Variants in VGLL1 observed in about 807,000 individuals in gnomAD.
The protein encoded by VGLL1 is transcription cofactor vestigial-like protein 1.
In VGLL1, 4 loss-of-function variants were observed where a neutral mutation model predicts 12.0. That is an observed-to-expected ratio of 0.33 (90% confidence interval 0.16 to 0.76). The LOEUF (loss-of-function observed/expected upper bound fraction) is 0.76, where lower values mean the gene tolerates loss of function less well. Ranked by LOEUF, VGLL1 falls within the 30% of genes least tolerant of loss-of-function variation. The probability of loss-of-function intolerance (pLI) is 0.60; values close to 1 mark genes in which losing one functional copy is unlikely to be tolerated. For missense variants in VGLL1, 204 were observed against 208.7 expected, an observed-to-expected ratio of 0.98 and a Z score of 0.14; for synonymous variants, 87 against 81.2, an observed-to-expected ratio of 1.07 and a Z score of -0.39.
intron 2 of VGLL1, among the ~76,000 whole-genome samples, chrX:136,546,326 T>TGAAAAAGAGAGGCCC (rs1260516573): frequency 9.0e-6 from 1 of 111,578 alleles, no homozygotes; most frequent in African/African-American, 3.3e-5. Flanking sequence ...CCAAGAGGCC[T>TGAAAAAGAGAGGCCC]GAAAAAGAGA....
At chrX:136,534,759 G>A (rs2075834888) in intron 1 of VGLL1, among the ~76,000 whole-genome samples, 1 of 111,819 alleles carries the variant, frequency 8.9e-6, no homozygotes, top group Non-Finnish European at 1.9e-5. Flanking sequence ...ACATGTTTTT[G>A]GAAAGTAAGG....
intron 4 of VGLL1, 58 bp downstream of exon 4, chrX:136,550,879 G>C (rs770518814): frequency 4.7e-6 from 5 of 1,060,256 alleles, no homozygotes; most frequent in Non-Finnish European, 6.6e-6. Context: ...ACGAACTTGA[G>C]AAATAAGGCT....
intron 4 of VGLL1, among the ~76,000 whole-genome samples, chrX:136,554,806 G>A (rs775986475): frequency 1.8e-5 from 2 of 112,324 alleles, no homozygotes; most frequent in Non-Finnish European, 3.8e-5. Flanking sequence ...TTCAACAAAT[G>A]GATAGGAGAA....
chrX:136,536,261 G>A, intron 2 of VGLL1, 27 bp downstream of exon 2: 1 of 1,181,100 alleles, frequency 8.5e-7, no homozygotes, highest in African/African-American at 1.8e-5. Context: ...GGAGGGAGCT[G>A]GGATTCCCTA....
chrX:136,538,032 G>T (rs1431231089), intron 2 of VGLL1, among the ~76,000 whole-genome samples: 2 of 112,087 alleles, frequency 1.8e-5, no homozygotes, highest in African/African-American at 6.5e-5. Context: ...TAGATGAATA[G>T]TCTTGCCACA....
intron 2 of VGLL1, among the ~76,000 whole-genome samples, chrX:136,537,066 G>GAA (rs752067779): frequency 2.0e-4 from 22 of 112,173 alleles, no homozygotes; most frequent in Non-Finnish European, 3.8e-4. Context: ...AGGTGGTTTT[G>GAA]AAAAGTTTTA....
intron 1 of VGLL1, among the ~76,000 whole-genome samples, chrX:136,532,577 C>A (rs567743365): frequency 9.5e-3 from 61 of 6,443 alleles, no homozygotes; most frequent in South Asian, 0.023. Flanking sequence ...TCAAATATTT[C>A]TTTCTTTCTT....
intron 1 of VGLL1, among the ~76,000 whole-genome samples, chrX:136,533,510 G>A (rs2075831715): frequency 9.0e-6 from 1 of 111,434 alleles, no homozygotes; most frequent in African/African-American, 3.3e-5. Context: ...GCTTCAAGGG[G>A]AGTTAGCAAA....
rs774619886 is a variant in VGLL1, at chrX:136,556,449, A to T, written c.689-2A>T. The T allele has an allele frequency of 1.7e-6, 2 of 1,208,218 alleles. No homozygotes were observed. Among genetic ancestry groups the T allele is most frequent in the Admixed American group, 4.4e-5 (2 of 45,965 alleles). ...TCATTAACCATGTAACTTCTCCTTT[A>T]GCTCTTTCAGAGTTAGAGACACCTG... On this transcript the variant is annotated splice_acceptor_variant, in intron 4 of 4. Transcript: ENST00000370634. LOFTEE classifies it high-confidence loss of function.
intron 2 of VGLL1, among the ~76,000 whole-genome samples, chrX:136,538,780 A>T (rs2075847348): frequency 9.0e-6 from 1 of 111,630 alleles, no homozygotes; most frequent in Admixed American, 9.5e-5. Flanking sequence ...CTCTCTTAGA[A>T]TTTACTTTTG....
intron 4 of VGLL1, 56 bp downstream of exon 4, chrX:136,550,877 G>A: frequency 1.9e-6 from 2 of 1,070,031 alleles, no homozygotes; most frequent in Non-Finnish European, 2.6e-6. Context: ...GAACGAACTT[G>A]AGAAATAAGG....
chrX:136,553,676 A>C (rs776024971), intron 4 of VGLL1, among the ~76,000 whole-genome samples: 1 of 112,322 alleles, frequency 8.9e-6, no homozygotes, highest in Non-Finnish European at 1.9e-5. Flanking sequence ...TGAACCTTTC[A>C]GTGGAAATTT....
At chrX:136,545,652 A>T (rs1482633367) in intron 2 of VGLL1, among the ~76,000 whole-genome samples, 2 of 111,919 alleles carry the variant, frequency 1.8e-5, no homozygotes, top group African/African-American at 6.5e-5. Flanking sequence ...TGAAAGGGTG[A>T]CATTTAAGTT....
chrX:136,540,771 A>T (rs1603308576), intron 2 of VGLL1, among the ~76,000 whole-genome samples: 1 of 111,437 alleles, frequency 9.0e-6, no homozygotes, highest in East Asian at 2.8e-4. Context: ...TATGATTTTG[A>T]TCACAAGGTG....
chrX:136,548,968 C>T lies in VGLL1; in HGVS notation c.594C>T (p.Ser198=). Residue 198 remains serine, a synonymous_variant, in exon 3 of 5, where the codon AGC becomes AGT. Coordinates refer to ENST00000370634, the MANE Select transcript of VGLL1 (RefSeq NM_016267.4). ...GCAACCCTGGCCAGATAGCTGGAAG[C>T]ACAGGGTTGCTCTTCAACCTGCCTC... The part of the protein sequence containing the change: ...ENGNPGQIAG[S]TGLLFNLPPG... 1 of 1,211,495 alleles carries T rather than the reference C, an allele frequency of 8.3e-7. No individual in the cohort carries two copies. Among genetic ancestry groups the T allele is most frequent in the Non-Finnish European group, 1.1e-6 (1 of 895,278 alleles).
chrX:136,532,369 CAAAT>C (rs1232921529), intron 1 of VGLL1, 73 bp downstream of exon 1: 1 of 111,581 alleles, frequency 9.0e-6, no homozygotes, highest in Non-Finnish European at 1.9e-5. Context: ...GGGTAGTCAT[CAAAT>C]ACTTTGCTCA....
At chrX:136,546,872 A>G (rs2075870959) in intron 2 of VGLL1, among the ~76,000 whole-genome samples, 1 of 112,781 alleles carries the variant, frequency 8.9e-6, no homozygotes, top group African/African-American at 3.2e-5. Context: ...CACCCTCACC[A>G]AAACAAATCT....
At chrX:136,537,786 A>G in intron 2 of VGLL1, among the ~76,000 whole-genome samples, 1 of 106,558 alleles carries the variant, frequency 9.4e-6, no homozygotes, top group South Asian at 4.2e-4. Context: ...GGCAGGTCTT[A>G]GATTCCTGAC....
At chrX:136,552,540 G>T (rs1163153026) in intron 4 of VGLL1, among the ~76,000 whole-genome samples, 1 of 112,254 alleles carries the variant, frequency 8.9e-6, no homozygotes, top group African/African-American at 3.2e-5. Flanking sequence ...AACATGTATT[G>T]GGTGTTGACT....
Sources: gnomAD v4.1 joint callset for allele counts (sites outside exome capture counted in the v4.1 genomes callset) on GRCh38, gnomAD v4.1.1 for gene constraint, MANE v1.5 for transcripts, NCBI Gene and HGNC (gene_info 2026-07-23, HGNC 2026-07-21) for gene names.